Variants in CKAP4 observed in about 807,000 individuals in gnomAD.
The protein encoded by CKAP4 is cytoskeleton associated protein 4, also known as cytoskeleton-associated protein 4.
CKAP4 carries 20 observed loss-of-function variants against 24.4 expected under a neutral mutation model. The observed-to-expected ratio is 0.82, with a 90% CI of 0.58 to 1.19. The LOEUF (loss-of-function observed/expected upper bound fraction) is 1.19, where lower values mean the gene tolerates loss of function less well. Among genes scored for constraint, CKAP4 ranks in the 50% most tolerant of loss-of-function variants. CKAP4 has a pLI of 0.00. For missense variants in CKAP4, 744 were observed against 765.3 expected (o/e 0.97, Z 0.33); for synonymous variants, 378 against 351.7 (o/e 1.07, Z -0.84).
chr12:106,237,992 G>GTTTTTTTTTTTTTTTTTTTTGT lies in CKAP4; in HGVS notation c.*1031_*1032insACAAAAAAAAAAAAAAAAAAAA, dbSNP rs2033921519. 1 of 70,512 alleles carries GTTTTTTTTTTTTTTTTTTTTGT rather than the reference G, an allele frequency of 1.4e-5. No homozygotes were observed. Among genetic ancestry groups the GTTTTTTTTTTTTTTTTTTTTGT allele is most frequent in the Non-Finnish European group, 2.4e-5 (1 of 41,606 alleles). 4.4% of individuals were successfully genotyped at this position (70,512 alleles called of 1,614,324 possible). ...TTTTTTTTTTTTTTTTACTTTTCGG[G>GTTTTTTTTTTTTTTTTTTTTGT]TTTTTTTTTTTTTTTTTTTTTCAAT... On this transcript the variant is annotated 3_prime_UTR_variant, in exon 2 of 2. Transcript: ENST00000378026.
chr12:106,246,339 T>C (rs778253467), intron 1 of CKAP4, among the ~76,000 whole-genome samples: 2 of 152,206 alleles, frequency 1.3e-5, no homozygotes, highest in Admixed American at 1.3e-4. Context: ...AGGGTAGTTA[T>C]AAGAATTAGA....
chr12:106,247,297 G>A lies in CKAP4; in HGVS notation c.483+72C>T. 1.5e-6 allele frequency: 2 copies of A among 1,369,478 alleles called. No homozygotes were observed. The highest frequency in any genetic ancestry group is 2.0e-6 in the Non-Finnish European group (2 of 1,025,274). The allele number at this position is 1,369,478 out of a possible 1,614,324, so 84.8% of individuals were successfully genotyped here. A position where few individuals can be genotyped will look rare whatever the true frequency, so the allele number is the denominator to read the frequency against. On this transcript the variant is annotated intron_variant, in intron 1 of 1. Coordinates refer to ENST00000378026, the MANE Select transcript of CKAP4 (RefSeq NM_006825.4). The surrounding 1 kb of genome is among the most constrained non-coding windows in gnomAD (Gnocchi z 4.5). ...GGCAGCGCTAGGGGCCGGTCGGGAA[G>A]CACGAAGGAGCCCGGCCGTGGGTCC...
chr12:106,247,927 G>A lies in CKAP4; in HGVS notation c.-76C>T. ...GCGCGCGGCCCGGGAAACTTGCAGG[G>A]GCTCCCCCGGGACTGGGCGAGCGGC... On this transcript the variant is annotated 5_prime_UTR_variant, in exon 1 of 2. Coordinates refer to ENST00000378026, the MANE Select transcript of CKAP4 (RefSeq NM_006825.4). This position sits in a 1 kb window ranked among gnomAD's most constrained non-coding sequence, Gnocchi z 4.5. 1.1e-6 allele frequency: 1 copy of A among 905,106 alleles called. No homozygotes were observed. Among genetic ancestry groups the A allele is most frequent in the Non-Finnish European group, 1.3e-6 (1 of 752,074 alleles). The allele number at this position is 905,106 out of a possible 1,614,324, so 56.1% of individuals were successfully genotyped here. A position where few individuals can be genotyped will look rare whatever the true frequency, so the allele number is the denominator to read the frequency against.
chr12:106,246,696 C>G (rs1344723391), intron 1 of CKAP4: 8 of 152,426 alleles, frequency 5.2e-5, no homozygotes, highest in Non-Finnish European at 1.2e-4. Context: ...GAGCTGAGAT[C>G]GTACCACTGC....
rs1337581851 is a variant in CKAP4, at chr12:106,239,702, G to A, written c.1131C>T (p.Leu377=). Residue 377 remains leucine (L), a synonymous_variant, in exon 2 of 2, where the codon CTC becomes CTT. Transcript: ENST00000378026. This position sits in a 1 kb window ranked among gnomAD's most constrained non-coding sequence, Gnocchi z 4.9. ...CGTGGGAATCGGACTTCAGCTGGCGGAGCTCTTCCTCCAGTCTCCGGATCT... is the reference window on the plus strand; with the variant it reads ...CGTGGGAATCGGACTTCAGCTGGCGAAGCTCTTCCTCCAGTCTCCGGATCT... ...PEEIRRLEEE[L]RQLKSDSHGP... 6.2e-7 allele frequency: 1 copy of A among 1,614,068 alleles called. No individual in the cohort carries two copies. Among genetic ancestry groups the A allele is most frequent in the Admixed American group, 1.7e-5 (1 of 60,024 alleles).
chr12:106,240,498 T>G (rs2033960797), intron 1 of CKAP4, 149 bp from the exon 2 acceptor site: 3 of 894,734 alleles, frequency 3.4e-6, no homozygotes, highest in Non-Finnish European at 5.0e-6. Flanking sequence ...CCACATATAG[T>G]CCATATGGTT....
intron 1 of CKAP4, among the ~76,000 whole-genome samples, chr12:106,241,533 C>A (rs1164752534): frequency 6.6e-6 from 1 of 152,012 alleles, no homozygotes; most frequent in Non-Finnish European, 1.5e-5. Context: ...CGGGGTTTCA[C>A]CGTTTTAGCC....
chr12:106,240,378 T>C, intron 1 of CKAP4, 29 bp from the exon 2 acceptor site: 4 of 1,589,454 alleles, frequency 2.5e-6, no homozygotes, highest in Non-Finnish European at 3.4e-6. Context: ...CGTTAATTGC[T>C]GAGAAGAGCT....
At position 106,239,464 on chromosome 12, in the gene CKAP4, C is replaced by T. The variant is rs1228781205; in HGVS notation, c.1369G>A (p.Gly457Ser). 1 of 1,604,430 alleles carries T rather than the reference C, an allele frequency of 6.2e-7. No individual in the cohort carries two copies. Among genetic ancestry groups the T allele is most frequent in the Non-Finnish European group, 8.5e-7 (1 of 1,179,626 alleles). Residue 457 changes from glycine to serine, a missense_variant, in exon 2 of 2, where the codon GGC becomes AGC. Transcript: ENST00000378026. The surrounding 1 kb of genome is among the most constrained non-coding windows in gnomAD (Gnocchi z 4.9). ...TGGTCTGCCTCTGAGGACCCGAGGCCTTCCAGGCGCCCCTGCAGGGCGGCC... is the reference window on the plus strand; with the variant it reads ...TGGTCTGCCTCTGAGGACCCGAGGCTTTCCAGGCGCCCCTGCAGGGCGGCC... ...RLAALQGRLE[G>S]LGSSEADQDG...
In CKAP4 at chr12:106,247,738, C is replaced by T; in HGVS notation, c.114G>A (p.Pro38=). 1 of 1,039,604 alleles carries T rather than the reference C, an allele frequency of 9.6e-7. No individual in the cohort carries two copies. Among genetic ancestry groups the T allele is most frequent in the Non-Finnish European group, 1.1e-6 (1 of 869,618 alleles). 64.4% of individuals were successfully genotyped at this position (1,039,604 alleles called of 1,614,324 possible). Reference sequence around the variant, plus strand: ...GCGGCGGCGGCGGCTGCTGCGGCGCCGGCGGCGGCTTCTTCGCCACGTCAT... The same window carrying T: ...GCGGCGGCGGCGGCTGCTGCGGCGCTGGCGGCGGCTTCTTCGCCACGTCAT... ...GADDVAKKPP[P]APQQPPPPPA... is the part of the protein sequence containing the mutation. The change falls in exon 1 of 2, where the codon CCG becomes CCA. Residue 38 remains proline (P), a synonymous_variant. Transcript: ENST00000378026. The surrounding 1 kb of genome is among the most constrained non-coding windows in gnomAD (Gnocchi z 4.5).
At position 106,247,333 on chromosome 12, in the gene CKAP4, G is replaced by A. The variant is rs1420150583; in HGVS notation, c.483+36C>T. 1.3e-5 allele frequency: 20 copies of A among 1,501,450 alleles called. No individual in the cohort carries two copies. Among genetic ancestry groups the A allele is most frequent in the Non-Finnish European group, 1.2e-5 (14 of 1,126,726 alleles). The allele number at this position is 1,501,450 out of a possible 1,614,324, so 93.0% of individuals were successfully genotyped here. A position where few individuals can be genotyped will look rare whatever the true frequency, so the allele number is the denominator to read the frequency against. The stretch of plus-strand genomic sequence containing the variant: ...CCCGGCCGTGGGTCCGGAGGCCGCA[G>A]TCGATGGGGACAGTTGCGGGGCCGG... On this transcript the variant is annotated intron_variant, in intron 1 of 1. Transcript: ENST00000378026. This position sits in a 1 kb window ranked among gnomAD's most constrained non-coding sequence, Gnocchi z 4.5.
rs141311887 is a variant in CKAP4 at position 106,239,864 on chromosome 12, G to C, written c.969C>G (p.Thr323=). Reference sequence around the variant, plus strand: ...TGAGGCTCACCAGCTCGCGGACCTCGGTGTAGATGTCAGACTCCATAGTCT... The same window carrying C: ...TGAGGCTCACCAGCTCGCGGACCTCCGTGTAGATGTCAGACTCCATAGTCT... ...TLQTMESDIY[T]EVRELVSLKQ... The change falls in exon 2 of 2, where the codon ACC becomes ACG. Residue 323 remains threonine, a synonymous_variant. Transcript: ENST00000378026. This position sits in a 1 kb window ranked among gnomAD's most constrained non-coding sequence, Gnocchi z 4.9. The C allele has an allele frequency of 1.9e-6, 3 of 1,613,958 alleles. No individual in the cohort carries two copies. The South Asian group carries it at 3.3e-5, about 18-fold the overall frequency.
In CKAP4 at chr12:106,239,664, T is replaced by A. The variant is rs2033950426; in HGVS notation, c.1169A>T (p.Asp390Val). 2 of 1,614,044 alleles carry A rather than the reference T, an allele frequency of 1.2e-6. No individual in the cohort carries two copies. Among genetic ancestry groups the A allele is most frequent in the South Asian group, 2.2e-5 (2 of 91,090 alleles). ...LKSDSHGPKE[D>V]GGFRHSEAFE... ...GGCTTCCGAGTGTCTGAAGCCTCCG[T>A]CCTCCTTCGGCCCGTGGGAATCGGA... Residue 390 changes from aspartate to valine, a missense_variant, in exon 2 of 2, where the codon GAC (aspartate) becomes GTC (valine). Around this residue, in one of 3 missense-constraint regions of CKAP4, gnomAD observed 401 missense variants for 424.5 expected, o/e 0.94. Transcript: ENST00000378026. The surrounding 1 kb of genome is among the most constrained non-coding windows in gnomAD (Gnocchi z 4.9).
At position 106,240,230 on chromosome 12, in the gene CKAP4, G is replaced by A. The variant is rs770072505; in HGVS notation, c.603C>T (p.Ser201=). The A allele has an allele frequency of 1.5e-5, 24 of 1,613,950 alleles. No individual in the cohort carries two copies. The highest frequency in any genetic ancestry group is 4.4e-5 in the South Asian group (4 of 91,080). ...CATTCTGGAGTTTCTGCAGCACTTCGCTGATCCGGCTGACCTCACTCTCCC... is the reference window on the plus strand; with the variant it reads ...CATTCTGGAGTTTCTGCAGCACTTCACTGATCCGGCTGACCTCACTCTCCC... The part of the protein sequence containing the change: ...KQGESEVSRI[S]EVLQKLQNEI... Residue 201 remains serine (S), a synonymous_variant, in exon 2 of 2, where the codon AGC becomes AGT. Transcript: ENST00000378026.
chr12:106,240,333 G>A lies in CKAP4; in HGVS notation c.500C>T (p.Ala167Val). 1 of 1,612,612 alleles carries A rather than the reference G, an allele frequency of 6.2e-7. No homozygotes were observed. Among genetic ancestry groups the A allele is most frequent in the East Asian group, 2.2e-5 (1 of 44,842 alleles). The change falls in exon 2 of 2, where the codon GCC becomes GTC. Residue 167 changes from alanine (A) to valine (V), a missense_variant. Physicochemically the swap from Ala to Val is moderately conservative, Grantham distance 64. This residue lies in a region of CKAP4 where 300 missense variants were observed against 264.5 expected (regional missense o/e 1.13). Coordinates refer to ENST00000378026, the MANE Select transcript of CKAP4 (RefSeq NM_006825.4). ...GATGGACTCAAAAGTTCCAAATGTG[G>A]CTTGCAAAGACTGCACCTGTAATCA... ...GVEQKVQSLQ[A>V]TFGTFESILR...
chr12:106,239,084 GTCA>G lies in CKAP4; in HGVS notation c.1746_1748del (p.Asp583del). The G allele has an allele frequency of 6.2e-7, 1 of 1,613,904 alleles. No homozygotes were observed. Among genetic ancestry groups the G allele is most frequent in the Non-Finnish European group, 8.5e-7 (1 of 1,179,988 alleles). On this transcript the variant is annotated inframe_deletion, in exon 2 of 2. Transcript: ENST00000378026. The surrounding 1 kb of genome is among the most constrained non-coding windows in gnomAD (Gnocchi z 4.9). ...ACAACCTATCCAGATCATTCCTCAG[GTCA>G]TCTAGTAAACCCTTGGCTGATTCCA...
intron 1 of CKAP4, among the ~76,000 whole-genome samples, chr12:106,244,370 T>G (rs1211690819): frequency 2.6e-5 from 4 of 152,246 alleles, no homozygotes; most frequent in Non-Finnish European, 4.4e-5. Flanking sequence ...CTCTTGGGGT[T>G]GTTGTGAGAG....
At position 106,238,967 on chromosome 12, in the gene CKAP4, CATT is replaced by C. The variant is rs1167755148; in HGVS notation, c.*54_*56del. Reference sequence around the variant, plus strand: ...AGGGGACACATGGGAAAAAACCACACATTTTTTGGTCATGAGAAATTGGACTTT... The same window carrying C: ...AGGGGACACATGGGAAAAAACCACACTTTTGGTCATGAGAAATTGGACTTT... On this transcript the variant is annotated 3_prime_UTR_variant, in exon 2 of 2. Transcript: ENST00000378026. 1.9e-6 allele frequency: 3 copies of C among 1,574,034 alleles called. No homozygotes were observed. Among genetic ancestry groups the C allele is most frequent in the East Asian group, 2.2e-5 (1 of 44,458 alleles).
intron 1 of CKAP4, among the ~76,000 whole-genome samples, chr12:106,241,390 T>C (rs1395493969): frequency 1.4e-5 from 2 of 147,874 alleles, no homozygotes; most frequent in Admixed American, 1.4e-4. Context: ...TGGAGTGCAG[T>C]GGCGGGATCT....
Sources: gnomAD v4.1 joint callset for allele counts (sites outside exome capture counted in the v4.1 genomes callset) on GRCh38, gnomAD v4.1.1 for gene constraint, gnomAD v4.1.1 regional missense constraint, Gnocchi (gnomAD v3.1) non-coding constraint, MANE v1.5 for transcripts, NCBI Gene and HGNC (gene_info 2026-07-23, HGNC 2026-07-21) for gene names.